The following ASPHD1 variants were observed in gnomAD, a reference collection of about 807,000 sequenced individuals.
ASPHD1 encodes aspartate beta-hydroxylase domain-containing protein 1.
A neutral mutation model predicts 28.3 loss-of-function variants in ASPHD1; 20 were observed. That is an observed-to-expected ratio of 0.71 (90% CI 0.50 to 1.03). The LOEUF is 1.03. ASPHD1 is among the 50% of genes least tolerant of loss of function. The pLI, the probability that ASPHD1 is intolerant of heterozygous loss-of-function variation, is 0.00. For synonymous variants in ASPHD1, 240 were observed against 221.2 expected (o/e 1.08, Z -0.75); for missense variants, 479 against 524.1 (o/e 0.91, Z 0.84).
chr16:29,904,784 A>AT (rs2150829704), intron 1 of ASPHD1, 68 bp from the exon 2 acceptor site: 2 of 1,036,232 alleles, frequency 1.9e-6, no homozygotes, highest in East Asian at 4.9e-5. Flanking sequence ...CTAGTTGCTA[A>AT]TTGACTGGCC....
rs754340328 is a variant in ASPHD1, at chr16:29,901,442, C to T, written c.471C>T (p.Tyr157=). 1.9e-6 allele frequency: 3 copies of T among 1,604,758 alleles called. No homozygotes were observed. Among genetic ancestry groups the T allele is most frequent in the Non-Finnish European group, 2.5e-6 (3 of 1,176,982 alleles). The part of the protein sequence containing the change: ...SRRLRAYARR[Y]SWAGMGRVRR... ...GGCTTCGGGCCTACGCAAGGCGCTA[C>T]TCCTGGGCTGGGATGGGTAGAGTGA... Residue 157 remains tyrosine (Y), a synonymous_variant, in exon 1 of 3, where the codon TAC becomes TAT. Coordinates refer to ENST00000308748, the MANE Select transcript of ASPHD1 (RefSeq NM_181718.4). This position sits in a 1 kb window ranked among gnomAD's most constrained non-coding sequence, Gnocchi z 5.1.
intron 2 of ASPHD1, 80 bp downstream of exon 2, chr16:29,905,045 C>A: frequency 9.6e-7 from 1 of 1,037,362 alleles, no homozygotes; most frequent in Non-Finnish European, 1.5e-6. Context: ...CAGAATCAGG[C>A]CCAACGGACT....
Position 29,905,751 on chromosome 16 carries a change from G to A in ASPHD1, c.1064-37G>A, listed in dbSNP as rs752164546. ...GTGCTCTGGTGTGCAAGTACCTAAT[G>A]TCAGTGGCTCTGCTGTTCCTGTCCC... On this transcript the variant is annotated intron_variant, in intron 2 of 2. Transcript: ENST00000308748. The A allele has an allele frequency of 9.5e-6, 14 of 1,480,904 alleles. No homozygotes were observed. In the South Asian group the frequency reaches 1.4e-4, roughly 14 times the overall value. The allele number at this position is 1,480,904 out of a possible 1,614,324, so 91.7% of individuals were successfully genotyped here.
chr16:29,911,787 GCCCAGTGCCCCGCACCCCGGCGGTCA>G (rs1567441389), intron 3 of ASPHD1: 1 of 1,610,922 alleles, frequency 6.2e-7, no homozygotes, highest in South Asian at 1.1e-5. Context: ...CCAGGGTCCC[GCCCAGTGCCCCGCACCCCGGCGGTCA>G]CCTGGTGTAG....
chr16:29,902,539 G>A (rs904772746), intron 1 of ASPHD1, among the ~76,000 whole-genome samples: 27 of 152,248 alleles, frequency 1.8e-4, no homozygotes, highest in Non-Finnish European at 1.5e-4. Flanking sequence ...GAGGAGTCTC[G>A]CTCTGTCGCC....
intron 3 of ASPHD1, among the ~76,000 whole-genome samples, chr16:29,917,954 T>C (rs186167472): frequency 6.6e-6 from 1 of 151,766 alleles, no homozygotes; most frequent in Non-Finnish European, 1.5e-5. Context: ...CCTCAAAAAA[T>C]AAAAATAAAA....
chr16:29,912,108 T>A, intron 3 of ASPHD1: 1 of 1,200,810 alleles, frequency 8.3e-7, no homozygotes, highest in Non-Finnish European at 1.2e-6. Context: ...CTCCCCCACT[T>A]AAAAGCCTTC....
downstream of ASPHD1, chr16:29,906,794 G>C: frequency 7.6e-7 from 1 of 1,317,036 alleles, no homozygotes. Flanking sequence ...CAGAGCCGGG[G>C]CAAAAGTCTG....
chr16:29,901,530 C>G lies in ASPHD1; in HGVS notation c.559C>G (p.Pro187Ala). The change falls in exon 1 of 3, where the codon CCA (proline) becomes GCA (alanine). Residue 187 changes from proline (P) to alanine (A), a missense_variant. Pro to Ala is a conservative substitution (Grantham distance 27). Coordinates refer to ENST00000308748, the MANE Select transcript of ASPHD1 (RefSeq NM_181718.4). The surrounding 1 kb of genome is among the most constrained non-coding windows in gnomAD (Gnocchi z 5.1). ...RGPGVLGIQRPGLLFLPDLPS... is the reference protein window; with the variant it reads ...RGPGVLGIQRAGLLFLPDLPS... ...GCCAGGGGTCCTAGGTATTCAGCGC[C>G]CAGGCCTGCTTTTCCTACCAGACCT... 6.3e-7 allele frequency: 1 copy of G among 1,576,300 alleles called. No homozygotes were observed. Among genetic ancestry groups the G allele is most frequent in the Non-Finnish European group, 8.6e-7 (1 of 1,167,072 alleles).
chr16:29,904,494 G>A (rs1391651496), intron 1 of ASPHD1, among the ~76,000 whole-genome samples: 1 of 151,264 alleles, frequency 6.6e-6, no homozygotes, highest in Non-Finnish European at 1.5e-5. Context: ...GCACATGCCT[G>A]TAATCCCAGC....
In ASPHD1 at chr16:29,904,883, G is replaced by A; in HGVS notation, c.981G>A (p.Val327=). 1.2e-6 allele frequency: 2 copies of A among 1,613,166 alleles called. No individual in the cohort carries two copies. The highest frequency in any genetic ancestry group is 1.7e-6 in the Non-Finnish European group (2 of 1,179,758). Residue 327 remains valine, a synonymous_variant, in exon 2 of 3, where the codon GTG becomes GTA. Coordinates refer to ENST00000308748, the MANE Select transcript of ASPHD1 (RefSeq NM_181718.4). The part of the protein sequence containing the change: ...GLKIPPGCEL[V]VGGEPQCWAE... Reference sequence around the variant, plus strand: ...AGATCCCTCCTGGCTGTGAGCTGGTGGTCGGCGGTGAGCCCCAGTGCTGGG... The same window carrying A: ...AGATCCCTCCTGGCTGTGAGCTGGTAGTCGGCGGTGAGCCCCAGTGCTGGG...
intron 3 of ASPHD1, chr16:29,911,625 T>C (rs568696810): frequency 8.2e-5 from 51 of 618,214 alleles, no homozygotes; most frequent in Non-Finnish European, 1.3e-4. Context: ...CATTTACTGA[T>C]GACTGAGCTG....
rs986692882 is a variant in ASPHD1, at chr16:29,901,501, G to A, written c.530G>A (p.Arg177Lys). The change falls in exon 1 of 3, where the codon AGA (arginine) becomes AAA (lysine). Residue 177 changes from arginine (R) to lysine (K), a missense_variant. Transcript: ENST00000308748. This position sits in a 1 kb window ranked among gnomAD's most constrained non-coding sequence, Gnocchi z 5.1. ...RAAQGGPGPGRGPGVLGIQRP... is the reference protein window; with the variant it reads ...RAAQGGPGPGKGPGVLGIQRP... ...GCTCAGGGTGGCCCAGGCCCTGGGA[G>A]AGGGCCAGGGGTCCTAGGTATTCAG... is the stretch of plus-strand genomic sequence containing the variant. The A allele has an allele frequency of 1.3e-6, 2 of 1,599,678 alleles. No homozygotes were observed. The highest frequency in any genetic ancestry group is 1.7e-5 in the Admixed American group (1 of 58,742).
chr16:29,901,949 C>T lies in ASPHD1; in HGVS notation c.949+29C>T. 6.9e-7 allele frequency: 1 copy of T among 1,440,018 alleles called. No homozygotes were observed. The highest frequency in any genetic ancestry group is 9.1e-7 in the Non-Finnish European group (1 of 1,096,214). The allele number at this position is 1,440,018 out of a possible 1,614,324, so 89.2% of individuals were successfully genotyped here. On this transcript the variant is annotated intron_variant, in intron 1 of 2. Transcript: ENST00000308748. This position sits in a 1 kb window ranked among gnomAD's most constrained non-coding sequence, Gnocchi z 5.1. ...AGTAGCTGCCGCCTACTGACAACCT[C>T]CTTGCCTCGATGATTTCCCCCCCAG...
Position 29,901,545 on chromosome 16 carries a change from C to A in ASPHD1, c.574C>A (p.Leu192Ile). 6.4e-7 allele frequency: 1 copy of A among 1,561,600 alleles called. No homozygotes were observed. Among genetic ancestry groups the A allele is most frequent in the South Asian group, 1.2e-5 (1 of 85,726 alleles). ...TATTCAGCGCCCAGGCCTGCTTTTCCTACCAGACCTGCCTTCAGCCCCCTT... is the reference window on the plus strand; with the variant it reads ...TATTCAGCGCCCAGGCCTGCTTTTCATACCAGACCTGCCTTCAGCCCCCTT... ...LGIQRPGLLFLPDLPSAPFVP... is the reference protein window; with the variant it reads ...LGIQRPGLLFIPDLPSAPFVP... Residue 192 changes from leucine to isoleucine, a missense_variant, in exon 1 of 3, where the codon CTA (leucine) becomes ATA (isoleucine). Leu to Ile is a conservative substitution (Grantham distance 5). Transcript: ENST00000308748. The surrounding 1 kb of genome is among the most constrained non-coding windows in gnomAD (Gnocchi z 5.1).
At chr16:29,911,080 C>G in intron 3 of ASPHD1, 1 of 1,614,186 alleles carries the variant, frequency 6.2e-7, no homozygotes, top group Non-Finnish European at 8.5e-7. Flanking sequence ...TCTCGTCCCC[C>G]AGGACATCCT....
intron 3 of ASPHD1, among the ~76,000 whole-genome samples, chr16:29,915,860 T>TA (rs1243969600): frequency 6.6e-6 from 1 of 152,226 alleles, no homozygotes; most frequent in Non-Finnish European, 1.5e-5. Flanking sequence ...GCCTTGTATT[T>TA]AATCTTTGCA....
chr16:29,900,943 G>A lies in ASPHD1; in HGVS notation c.-29G>A, dbSNP rs1210473667. 6.5e-7 allele frequency: 1 copy of A among 1,541,730 alleles called. No individual in the cohort carries two copies. Among genetic ancestry groups the A allele is most frequent in the Non-Finnish European group, 8.8e-7 (1 of 1,139,256 alleles). The stretch of plus-strand genomic sequence containing the variant: ...GAGGTAGAAGGAGAGAGAAAGGGGA[G>A]AGAAAGGAGAGAGGAGGGTTGGAGG... On this transcript the variant is annotated 5_prime_UTR_variant, in exon 1 of 3. Coordinates refer to ENST00000308748, the MANE Select transcript of ASPHD1 (RefSeq NM_181718.4).
chr16:29,915,851 C>T (rs2068800523), intron 3 of ASPHD1, among the ~76,000 whole-genome samples: 2 of 152,148 alleles, frequency 1.3e-5, no homozygotes, highest in African/African-American at 2.4e-5. Flanking sequence ...GTATTTAATG[C>T]CTTGTATTTA....
Sources: allele counts gnomAD v4.1 joint callset (sites outside exome capture counted in the v4.1 genomes callset), GRCh38; gene constraint gnomAD v4.1.1; non-coding constraint Gnocchi (gnomAD v3.1); transcripts MANE v1.5; gene names NCBI Gene and HGNC (gene_info 2026-07-23, HGNC 2026-07-21).